The following STXBP5L variants were observed in gnomAD, a reference collection of about 807,000 sequenced individuals.
The protein encoded by STXBP5L is syntaxin-binding protein 5-like.
A neutral mutation model predicts 144.5 loss-of-function variants in STXBP5L; 65 were observed. The ratio of observed to expected loss-of-function variants is 0.45; its 90% CI spans 0.37 to 0.55. The LOEUF is 0.55. STXBP5L is among the 20% of genes least tolerant of loss of function. The pLI, the probability that STXBP5L is intolerant of heterozygous loss-of-function variation, is 0.00. For synonymous variants in STXBP5L, 505 were observed against 469.6 expected, an observed-to-expected ratio of 1.08 and a Z score of -0.97; for missense variants, 1,298 against 1,405.5, an observed-to-expected ratio of 0.92 and a Z score of 1.22.
rs1028084943 is a variant in STXBP5L, at chr3:121,218,021, TA to T, written c.957-4981del. ...AATATATAGTATAATATATATACTA[TA>T]GTATAATATACTATATAATATACTA... On this transcript the variant is annotated intron_variant, in intron 10 of 26. Transcript: ENST00000471454. Among the ~76,000 whole-genome samples the T allele has an allele frequency of 6.3e-4, 91 of 144,398 alleles. 1 individual carries two copies. Among genetic ancestry groups the T allele is most frequent in the Middle Eastern group, 7.4e-3 (2 of 270 alleles). 94.7% of individuals were successfully genotyped at this position (144,398 alleles called of 152,430 possible).
At chr3:121,089,404 T>G (rs1462206873) in intron 5 of STXBP5L, among the ~76,000 whole-genome samples, 4 of 151,970 alleles carry the variant, frequency 2.6e-5, no homozygotes, top group Non-Finnish European at 1.5e-5. Context: ...TGTTTTTCAT[T>G]TTATACACCT....
intron 9 of STXBP5L, among the ~76,000 whole-genome samples, chr3:121,200,633 T>C (rs996206782): frequency 2.0e-5 from 3 of 152,230 alleles, no homozygotes; most frequent in African/African-American, 4.8e-5. Context: ...TAAATTCTGC[T>C]CTTAACACTG....
chr3:121,005,683 G>T (rs1213794788), intron 3 of STXBP5L, among the ~76,000 whole-genome samples: 1 of 152,054 alleles, frequency 6.6e-6, no homozygotes, highest in Admixed American at 6.6e-5. Flanking sequence ...TCTCTTGTGG[G>T]CGTTTAGTGC....
chr3:120,947,125 G>A (rs998353212), intron 2 of STXBP5L, among the ~76,000 whole-genome samples: 1 of 151,774 alleles, frequency 6.6e-6, no homozygotes, highest in African/African-American at 2.4e-5. Flanking sequence ...AAGCAAAGTA[G>A]CATTAAGAAG....
intron 20 of STXBP5L, among the ~76,000 whole-genome samples, chr3:121,368,649 T>C (rs2045936268): frequency 6.6e-6 from 1 of 152,176 alleles, no homozygotes; most frequent in Non-Finnish European, 1.5e-5. Flanking sequence ...CTGTTATTGC[T>C]TTAGGTTTTA....
chr3:120,942,497 A>G (rs1710618850), intron 2 of STXBP5L, among the ~76,000 whole-genome samples: 3 of 151,704 alleles, frequency 2.0e-5, no homozygotes, highest in South Asian at 4.1e-4. Flanking sequence ...ATTCAATGTT[A>G]CTGAATAAAA....
At chr3:121,230,405 G>T (rs2049266364) in intron 11 of STXBP5L, among the ~76,000 whole-genome samples, 1 of 150,082 alleles carries the variant, frequency 6.7e-6, no homozygotes, top group Admixed American at 6.7e-5. Context: ...AGCCAATTTG[G>T]TACCATAGAC....
chr3:121,346,343 C>T (rs557460184), intron 20 of STXBP5L, among the ~76,000 whole-genome samples: 4 of 151,996 alleles, frequency 2.6e-5, no homozygotes, highest in African/African-American at 4.8e-5. Context: ...TCTTAATCCA[C>T]TCTATCACTG....
chr3:121,092,245 G>A (rs1309585505), intron 5 of STXBP5L, among the ~76,000 whole-genome samples: 3 of 151,836 alleles, frequency 2.0e-5, no homozygotes, highest in African/African-American at 7.3e-5. Flanking sequence ...GACTGACTTG[G>A]CAATGCGGGC....
intron 24 of STXBP5L, among the ~76,000 whole-genome samples, chr3:121,415,482 T>A (rs1242188584): frequency 1.3e-5 from 2 of 152,052 alleles, no homozygotes; most frequent in Non-Finnish European, 2.9e-5. Flanking sequence ...CATAGGGCAG[T>A]CTATGCTTGG....
intron 10 of STXBP5L, among the ~76,000 whole-genome samples, chr3:121,212,413 G>A (rs1169775065): frequency 6.6e-6 from 1 of 152,120 alleles, no homozygotes; most frequent in Non-Finnish European, 1.5e-5. Context: ...AAGGGGTCCA[G>A]TTTCAGTTTT....
chr3:121,227,521 G>T (rs1325825661), intron 11 of STXBP5L, among the ~76,000 whole-genome samples: 8 of 152,292 alleles, frequency 5.3e-5, no homozygotes, highest in Admixed American at 1.3e-4. Flanking sequence ...GATGGAAGCT[G>T]CAGCGATCTA....
chr3:120,945,811 T>C (rs1026099488), intron 2 of STXBP5L, among the ~76,000 whole-genome samples: 1 of 151,858 alleles, frequency 6.6e-6, no homozygotes, highest in Non-Finnish European at 1.5e-5. Context: ...GAGGATCTTA[T>C]ATTAATTATA....
chr3:121,268,968 T>G (rs2050658195), intron 18 of STXBP5L, among the ~76,000 whole-genome samples: 1 of 152,188 alleles, frequency 6.6e-6, no homozygotes, highest in African/African-American at 2.4e-5. Context: ...GTCTTTATCA[T>G]TCTTCTTCTT....
chr3:121,018,523 C>CA (rs139946627), intron 3 of STXBP5L, among the ~76,000 whole-genome samples: 29,608 of 101,564 alleles, frequency 0.29, 4,089 homozygotes, highest in Non-Finnish European at 0.33. Context: ...ATCCATATAC[C>CA]AAAAAAAAAA....
intron 3 of STXBP5L, among the ~76,000 whole-genome samples, chr3:121,034,224 G>A (rs1227752315): frequency 2.0e-5 from 3 of 151,910 alleles, no homozygotes; most frequent in South Asian, 4.2e-4. Context: ...TGAGTTCTTA[G>A]TGTAACCATT....
At chr3:121,301,970 A>G (rs9833416) in intron 19 of STXBP5L, among the ~76,000 whole-genome samples, 15,111 of 152,026 alleles carry the variant, frequency 0.099, 1,179 homozygotes, top group Admixed American at 0.2. Context: ...GAGGATTTTT[A>G]CATTGATCTT....
intron 3 of STXBP5L, among the ~76,000 whole-genome samples, chr3:121,039,933 G>A (rs1013360039): frequency 8.6e-5 from 13 of 151,272 alleles, no homozygotes; most frequent in Non-Finnish European, 1.3e-4. Context: ...AAAATCTCTA[G>A]ATATTCTATT....
At chr3:120,988,620 T>C (rs1942529304) in intron 3 of STXBP5L, among the ~76,000 whole-genome samples, 1 of 152,144 alleles carries the variant, frequency 6.6e-6, no homozygotes. Flanking sequence ...AAATAGATAC[T>C]GTTGGTTGAT....
Sources: gnomAD v4.1 joint callset for allele counts (sites outside exome capture counted in the v4.1 genomes callset) on GRCh38, gnomAD v4.1.1 for gene constraint, MANE v1.5 for transcripts, NCBI Gene and HGNC (gene_info 2026-07-23, HGNC 2026-07-21) for gene names.